Variants in KLHL1 observed in about 807,000 individuals in gnomAD.
KLHL1 encodes the protein kelch-like protein 1.
Under a neutral mutation model 77.7 loss-of-function variants are expected in KLHL1, and 47 were observed. The ratio of observed to expected loss-of-function variants is 0.60; its 90% confidence interval spans 0.48 to 0.77. The LOEUF is 0.77. Ranked by LOEUF, KLHL1 falls within the 30% of genes least tolerant of loss-of-function variation. The pLI, the probability that KLHL1 is intolerant of heterozygous loss-of-function variation, is 0.00. For missense variants in KLHL1, 925 were observed against 910.8 expected (o/e 1.02, Z -0.20); for synonymous variants, 360 against 325.2 (o/e 1.11, Z -1.15).
intron 6 of KLHL1, among the ~76,000 whole-genome samples, chr13:69,810,051 T>G (rs1877798558): frequency 6.6e-6 from 1 of 152,030 alleles, no homozygotes; most frequent in South Asian, 2.1e-4. Flanking sequence ...AAAACAATTC[T>G]AGACCTAAGA....
In KLHL1 at chr13:70,107,281, T is replaced by A; in HGVS notation, c.419A>T (p.Glu140Val). The change falls in exon 1 of 11, where the codon GAA (glutamate) becomes GTA (valine). Residue 140 changes from glutamate to valine, a missense_variant. Physicochemically the swap from Glu to Val is moderately radical, Grantham distance 121. Coordinates refer to ENST00000377844, the MANE Select transcript of KLHL1 (RefSeq NM_020866.3). ...VPGMDFPGPH[E>V]KGLVLQELKV... ...GAGCTCTTGCAGAACCAGCCCTTTT[T>A]CGTGTGGTCCAGGAAAGTCCATGCC... is the stretch of plus-strand genomic sequence containing the variant. 6.2e-7 allele frequency: 1 copy of A among 1,614,144 alleles called. No individual in the cohort carries two copies. The highest frequency in any genetic ancestry group is 1.1e-5 in the South Asian group (1 of 91,084).
rs144715712 is a variant in KLHL1 at position 69,984,061 on chromosome 13, A to G, written c.498-8259T>C. Among the ~76,000 whole-genome samples, 103 of 152,258 alleles carry G rather than the reference A, an allele frequency of 6.8e-4. No individual in the cohort carries two copies. The East Asian group carries it at 0.018, about 26-fold the overall frequency. ...TGAAACCATAAAATTATTAGAGGTA[A>G]ACATAGGGAAAATGGTTCATGACAT... On this transcript the variant is annotated intron_variant, in intron 1 of 10. Transcript: ENST00000377844.
In KLHL1 at chr13:69,840,985, T is replaced by C. The variant is rs1006192483; in HGVS notation, c.1228-1823A>G. On this transcript the variant is annotated intron_variant, in intron 5 of 10. Coordinates refer to ENST00000377844, the MANE Select transcript of KLHL1 (RefSeq NM_020866.3). The stretch of plus-strand genomic sequence containing the variant: ...CTACAGTACTAAATTTATGTATATG[T>C]AAAGCTGGCTCTCATGAATTCTCAT... Among the ~76,000 whole-genome samples the C allele has an allele frequency of 5.3e-5, 8 of 152,006 alleles. 1 individual carries two copies. In the Middle Eastern group the frequency reaches 0.02, roughly 388 times the overall value.
chr13:69,943,015 C>T lies in KLHL1; in HGVS notation c.818-2779G>A, dbSNP rs73510166. On this transcript the variant is annotated intron_variant, in intron 3 of 10. Transcript: ENST00000377844. ...CTATAAATTTATGTTGGTGAAGAAT[C>T]CATACTAGTTGTTCTGCAGAATTCC... Among the ~76,000 whole-genome samples, 1,005 of 152,110 alleles carry T rather than the reference C, an allele frequency of 6.6e-3. 11 individuals are homozygous for T. Among genetic ancestry groups the T allele is most frequent in the African/African-American group, 0.023 (972 of 41,510 alleles).
intron 1 of KLHL1, among the ~76,000 whole-genome samples, chr13:70,098,687 C>A (rs1309967828): frequency 6.6e-6 from 1 of 151,614 alleles, no homozygotes; most frequent in African/African-American, 2.4e-5. Flanking sequence ...AGAGGTGGAG[C>A]TGTTTAATGT....
chr13:69,973,834 A>G (rs558282537), intron 2 of KLHL1, among the ~76,000 whole-genome samples: 2 of 152,176 alleles, frequency 1.3e-5, no homozygotes, highest in African/African-American at 2.4e-5. Context: ...ATAGTGTTAA[A>G]AATTTAATTG....
intron 5 of KLHL1, among the ~76,000 whole-genome samples, chr13:69,845,017 G>T (rs1273834679): frequency 6.6e-6 from 1 of 151,616 alleles, no homozygotes; most frequent in Admixed American, 6.6e-5. Context: ...TAGCTAGCAA[G>T]ACTAGAACTT....
At chr13:69,938,834 GAT>G (rs1418756721) in intron 4 of KLHL1, among the ~76,000 whole-genome samples, 4 of 151,830 alleles carry the variant, frequency 2.6e-5, no homozygotes, top group Non-Finnish European at 5.9e-5. Flanking sequence ...CTGCTTAAAG[GAT>G]TAAAAAGGAA....
chr13:70,064,454 T>C (rs554071403), intron 1 of KLHL1, among the ~76,000 whole-genome samples: 3 of 152,278 alleles, frequency 2.0e-5, no homozygotes, highest in South Asian at 2.1e-4. Context: ...ACAAATTCTG[T>C]AGTGTGTTTT....
chr13:70,021,306 T>A (rs1885786863), intron 1 of KLHL1, among the ~76,000 whole-genome samples: 1 of 152,084 alleles, frequency 6.6e-6, no homozygotes, highest in African/African-American at 2.4e-5. Flanking sequence ...TAATATGCAT[T>A]AAAGTGTCTT....
At chr13:69,727,485 A>G (rs777422173) in intron 8 of KLHL1, among the ~76,000 whole-genome samples, 7 of 152,108 alleles carry the variant, frequency 4.6e-5, no homozygotes, top group Admixed American at 6.6e-5. Context: ...GGTGTGGACA[A>G]TCTAGGTAGG....
intron 1 of KLHL1, among the ~76,000 whole-genome samples, chr13:70,000,476 GC>G (rs1227912584): frequency 1.3e-5 from 2 of 151,904 alleles, no homozygotes; most frequent in Admixed American, 6.6e-5. Context: ...CCGTTAGTAA[GC>G]CTGATTTACT....
At chr13:69,919,508 TAATGA>T (rs1339202348) in intron 4 of KLHL1, among the ~76,000 whole-genome samples, 10 of 152,100 alleles carry the variant, frequency 6.6e-5, no homozygotes, top group African/African-American at 2.2e-4. Context: ...TGGAAAAGAT[TAATGA>T]AACAGGTGGC....
At chr13:69,956,026 TTATA>T (rs1462287928) in intron 3 of KLHL1, among the ~76,000 whole-genome samples, 1 of 97,800 alleles carries the variant, frequency 1.0e-5, no homozygotes, top group Non-Finnish European at 2.1e-5. Context: ...TGATATATAT[TTATA>T]TATATTTATA....
intron 1 of KLHL1, among the ~76,000 whole-genome samples, chr13:70,017,617 G>GCAGA (rs1237783323): frequency 6.6e-6 from 1 of 152,188 alleles, no homozygotes; most frequent in Non-Finnish European, 1.5e-5. Flanking sequence ...AGCCTGCTAG[G>GCAGA]CAGAGTAGGC....
At chr13:70,072,595 G>A (rs1437095125) in intron 1 of KLHL1, among the ~76,000 whole-genome samples, 1 of 151,906 alleles carries the variant, frequency 6.6e-6, no homozygotes, top group Non-Finnish European at 1.5e-5. Flanking sequence ...ATACACCTGT[G>A]GCCAGGTAGA....
chr13:69,904,578 C>A (rs1478910359), intron 4 of KLHL1, among the ~76,000 whole-genome samples: 1 of 152,138 alleles, frequency 6.6e-6, no homozygotes, highest in Non-Finnish European at 1.5e-5. Context: ...ATTAGTAACT[C>A]ATTTTTATAC....
intron 1 of KLHL1, among the ~76,000 whole-genome samples, chr13:70,042,306 G>GGT (rs1161401066): frequency 1.3e-5 from 2 of 151,728 alleles, no homozygotes; most frequent in East Asian, 1.9e-4. Context: ...TGCTTGTGTG[G>GGT]GTGTGTGTGT....
At chr13:69,777,130 T>C (rs1022488291) in intron 7 of KLHL1, among the ~76,000 whole-genome samples, 6 of 152,116 alleles carry the variant, frequency 3.9e-5, no homozygotes, top group Admixed American at 3.3e-4. Context: ...AAGGGCAGTT[T>C]CCCTGCACAT....
Sources: gnomAD v4.1 joint callset for allele counts (sites outside exome capture counted in the v4.1 genomes callset) on GRCh38, gnomAD v4.1.1 for gene constraint, MANE v1.5 for transcripts, NCBI Gene and HGNC (gene_info 2026-07-23, HGNC 2026-07-21) for gene names.